FUT9: variants seen among roughly 807,000 people sequenced by gnomAD.
FUT9 encodes fucosyltransferase 9, also known as 4-galactosyl-N-acetylglucosaminide 3-alpha-L-fucosyltransferase 9.
In FUT9, 15 loss-of-function variants were observed where a neutral mutation model predicts 29.7. The ratio of observed to expected loss-of-function variants is 0.51; its 90% confidence interval spans 0.34 to 0.78. FUT9 has a LOEUF of 0.78. FUT9 is among the 30% of genes least tolerant of loss of function. The pLI is 0.01. For synonymous variants in FUT9, 169 were observed against 153.7 expected (o/e 1.10, Z -0.74); for missense variants, 319 against 425.4 (o/e 0.75, Z 2.20).
Position 96,207,234 on chromosome 6 carries a change from C to T in FUT9, c.*2999C>T, listed in dbSNP as rs1316344372. The stretch of plus-strand genomic sequence containing the variant: ...AGACACACATTCACACACACATACA[C>T]ACACACACACACACACCCCACAGCT... On this transcript the variant is annotated 3_prime_UTR_variant, in exon 3 of 3. Transcript: ENST00000302103. The T allele has an allele frequency of 1.2e-5, 2 of 163,244 alleles. No individual in the cohort carries two copies. Among genetic ancestry groups the T allele is most frequent in the East Asian group, 3.9e-4 (2 of 5,186 alleles). The allele number at this position is 163,244 out of a possible 1,614,324, so 10.1% of individuals were successfully genotyped here. A position where few individuals can be genotyped will look rare whatever the true frequency, so the allele number is the denominator to read the frequency against.
At chr6:96,037,071 T>C (rs1027907401) in intron 1 of FUT9, 1 of 152,062 alleles carries the variant, frequency 6.6e-6, no homozygotes, top group Non-Finnish European at 1.5e-5. Flanking sequence ...CTGGGACATT[T>C]ATCCACAGGT....
chr6:96,164,394 G>A lies in FUT9; in HGVS notation c.-8-38754G>A, dbSNP rs995498634. ...CTGCCTCAGCCTCCTGAGTAGCTGG[G>A]ACTACAGGCGCCTGCCACCGCTCCC... On this transcript the variant is annotated intron_variant, in intron 2 of 2. Coordinates refer to ENST00000302103, the MANE Select transcript of FUT9 (RefSeq NM_006581.4). 9.9e-5 allele frequency among the ~76,000 whole-genome samples: 15 copies of A among 151,964 alleles called. 1 individual carries two copies. Among genetic ancestry groups the A allele is most frequent in the Admixed American group, 5.9e-4 (9 of 15,242 alleles).
intron 1 of FUT9, among the ~76,000 whole-genome samples, chr6:96,023,270 G>T (rs1770106185): frequency 6.6e-6 from 1 of 151,918 alleles, no homozygotes; most frequent in Non-Finnish European, 1.5e-5. Context: ...TGCTCATTTA[G>T]TCCCAAGAAA....
intron 1 of FUT9, among the ~76,000 whole-genome samples, chr6:96,106,319 T>C (rs1045525871): frequency 6.6e-6 from 1 of 151,904 alleles, no homozygotes; most frequent in Non-Finnish European, 1.5e-5. Context: ...AGCAACAGCA[T>C]ATCAAAACCC....
intron 1 of FUT9, among the ~76,000 whole-genome samples, chr6:96,048,438 G>C (rs1041068125): frequency 1.3e-5 from 2 of 152,140 alleles, no homozygotes; most frequent in Non-Finnish European, 2.9e-5. Context: ...TACTCAATGG[G>C]AAGTGTTTGT....
chr6:96,144,875 G>A (rs969229488), intron 2 of FUT9, among the ~76,000 whole-genome samples: 2 of 152,036 alleles, frequency 1.3e-5, no homozygotes, highest in Admixed American at 1.3e-4. Flanking sequence ...CCATTTTACT[G>A]AAAAGAAAAC....
At chr6:96,141,646 G>C (rs1772466229) in intron 2 of FUT9, among the ~76,000 whole-genome samples, 1 of 152,170 alleles carries the variant, frequency 6.6e-6, no homozygotes, top group Non-Finnish European at 1.5e-5. Flanking sequence ...TAATGAGCTA[G>C]AACAGTGGGA....
chr6:96,131,584 A>G (rs1004758043), intron 2 of FUT9, among the ~76,000 whole-genome samples: 11 of 152,128 alleles, frequency 7.2e-5, no homozygotes, highest in African/African-American at 2.4e-4. Context: ...TTCGCATTCT[A>G]CTGCTTCTAG....
chr6:96,156,283 A>T (rs1772782933), intron 2 of FUT9, among the ~76,000 whole-genome samples: 1 of 152,172 alleles, frequency 6.6e-6, no homozygotes, highest in Non-Finnish European at 1.5e-5. Flanking sequence ...TATGAACACA[A>T]CTTTTCCCCT....
At chr6:96,180,021 G>A (rs968984993) in intron 2 of FUT9, among the ~76,000 whole-genome samples, 1 of 152,084 alleles carries the variant, frequency 6.6e-6, no homozygotes, top group African/African-American at 2.4e-5. Context: ...CCTATTGCTC[G>A]ATGGTTAAGT....
chr6:96,148,916 A>G (rs9377428), intron 2 of FUT9, among the ~76,000 whole-genome samples: 26,165 of 152,060 alleles, frequency 0.17, 2,591 homozygotes, highest in Non-Finnish European at 0.22. Context: ...GCACTTTGGG[A>G]GGCAGAGGTG....
chr6:96,211,171 C>G lies in FUT9; in HGVS notation c.*6936C>G, dbSNP rs572147116. The G allele has an allele frequency of 1.2e-5, 2 of 166,804 alleles. No homozygotes were observed. Among genetic ancestry groups the G allele is most frequent in the South Asian group, 4.1e-4 (2 of 4,820 alleles). 10.3% of individuals were successfully genotyped at this position (166,804 alleles called of 1,614,324 possible). ...CATATATTCATGTTTCCCATAATTACTAAGTTACGGAAGGGGTGTGAGGAG... is the reference window on the plus strand; with the variant it reads ...CATATATTCATGTTTCCCATAATTAGTAAGTTACGGAAGGGGTGTGAGGAG... On this transcript the variant is annotated 3_prime_UTR_variant, in exon 3 of 3. Coordinates refer to ENST00000302103, the MANE Select transcript of FUT9 (RefSeq NM_006581.4).
chr6:96,211,886 T>C lies in FUT9; in HGVS notation c.*7651T>C, dbSNP rs897840335. ...AACTTCAAAAACTGATTTATTTTTC[T>C]GAGTTCTCTGGAAACCAAACAATTT... On this transcript the variant is annotated 3_prime_UTR_variant, in exon 3 of 3. Transcript: ENST00000302103. 6.5e-5 allele frequency: 26 copies of C among 400,364 alleles called. No homozygotes were observed. Among genetic ancestry groups the C allele is most frequent in the African/African-American group, 2.1e-5 (1 of 48,352 alleles). 24.8% of individuals were successfully genotyped at this position (400,364 alleles called of 1,614,324 possible). A position where few individuals can be genotyped will look rare whatever the true frequency, so the allele number is the denominator to read the frequency against.
chr6:96,080,991 A>T (rs527464600), intron 1 of FUT9, among the ~76,000 whole-genome samples: 1 of 152,090 alleles, frequency 6.6e-6, no homozygotes, highest in East Asian at 1.9e-4. Flanking sequence ...CATTATGCAC[A>T]TGCAACACAT....
chr6:96,065,029 C>A (rs1321625141), intron 1 of FUT9, among the ~76,000 whole-genome samples: 1 of 151,968 alleles, frequency 6.6e-6, no homozygotes, highest in Non-Finnish European at 1.5e-5. Flanking sequence ...GGGTAGGGAC[C>A]AAGAAATCTA....
At chr6:96,040,028 G>T (rs1770431720) in intron 1 of FUT9, among the ~76,000 whole-genome samples, 1 of 151,106 alleles carries the variant, frequency 6.6e-6, no homozygotes, top group Non-Finnish European at 1.5e-5. Flanking sequence ...TATTTATTAG[G>T]CTCTCATTAC....
In FUT9 at chr6:96,203,382, C is replaced by T; in HGVS notation, c.227C>T (p.Thr76Ile). Residue 76 changes from threonine to isoleucine, a missense_variant, in exon 3 of 3, where the codon ACC becomes ATC. Coordinates refer to ENST00000302103, the MANE Select transcript of FUT9 (RefSeq NM_006581.4). ...ILVWVWPFGQ[T>I]FDLTSCQAMF... ...GTGTGGGTGTGGCCATTTGGGCAGA[C>T]CTTTGACCTTACATCCTGCCAAGCA... 6.2e-7 allele frequency: 1 copy of T among 1,611,838 alleles called. No individual in the cohort carries two copies. Among genetic ancestry groups the T allele is most frequent in the South Asian group, 1.1e-5 (1 of 90,840 alleles).
intron 1 of FUT9, among the ~76,000 whole-genome samples, chr6:96,100,785 G>A (rs561812429): frequency 9.2e-5 from 14 of 152,176 alleles, no homozygotes; most frequent in Non-Finnish European, 1.9e-4. Flanking sequence ...TTAAACCTGA[G>A]TGTCTATGTT....
chr6:96,058,094 G>C (rs912754776), intron 1 of FUT9, among the ~76,000 whole-genome samples: 2 of 151,864 alleles, frequency 1.3e-5, no homozygotes, highest in African/African-American at 4.8e-5. Context: ...AATAGCAGAC[G>C]GGCGGTAACT....
Sources: allele counts gnomAD v4.1 joint callset (sites outside exome capture counted in the v4.1 genomes callset), GRCh38; gene constraint gnomAD v4.1.1; transcripts MANE v1.5; gene names NCBI Gene and HGNC (gene_info 2026-07-23, HGNC 2026-07-21).